AOPEP: variants seen among roughly 807,000 people sequenced by gnomAD.
AOPEP encodes the protein aminopeptidase O.
A neutral mutation model predicts 98.1 loss-of-function variants in AOPEP; 77 were observed. The observed-to-expected ratio is 0.78, with a 90% CI of 0.65 to 0.95. The LOEUF (loss-of-function observed/expected upper bound fraction) is 0.95. AOPEP is among the 40% of genes least tolerant of loss of function. The pLI, the probability that AOPEP is intolerant of heterozygous loss-of-function variation, is 0.00. For synonymous variants in AOPEP, 346 were observed against 365.3 expected (o/e 0.95, Z 0.60); for missense variants, 1,024 against 1,024.7 (o/e 1.00, Z 0.01).
At chr9:95,038,050 A>G (rs1587727750) in intron 13 of AOPEP, among the ~76,000 whole-genome samples, 1 of 152,334 alleles carries the variant, frequency 6.6e-6, no homozygotes, top group East Asian at 1.9e-4. Flanking sequence ...GCTCCATGCA[A>G]GCAAGTTCTC....
At chr9:95,019,366 T>A (rs2063279345) in intron 13 of AOPEP, 1 of 152,242 alleles carries the variant, frequency 6.6e-6, no homozygotes, top group Admixed American at 6.5e-5. Flanking sequence ...GAGATTTGTA[T>A]TCTATCAAAG....
rs1461624715 is a variant in AOPEP at position 94,967,617 on chromosome 9, T to G, written c.1873-141T>G. The G allele has an allele frequency of 6.2e-6, 4 of 650,400 alleles. No individual in the cohort carries two copies. The East Asian group carries it at 1.1e-4, about 18-fold the overall frequency. 40.3% of individuals were successfully genotyped at this position (650,400 alleles called of 1,614,324 possible). A position where few individuals can be genotyped will look rare whatever the true frequency, so the allele number is the denominator to read the frequency against. On this transcript the variant is annotated intron_variant, in intron 9 of 16. Transcript: ENST00000375315. ...CCCTGGGAAATTAATAAGTTGAGTC[T>G]ATAGTCTTTTAAGTCAGCATAGGTC... is the stretch of plus-strand genomic sequence containing the variant.
At chr9:94,947,256 C>G (rs1477606263) in intron 7 of AOPEP, among the ~76,000 whole-genome samples, 2 of 151,886 alleles carry the variant, frequency 1.3e-5, no homozygotes, top group Non-Finnish European at 2.9e-5. Flanking sequence ...GCTGGGATTA[C>G]AGGCGTGATC....
chr9:94,899,532 T>C (rs2050109888), intron 5 of AOPEP, among the ~76,000 whole-genome samples: 1 of 151,848 alleles, frequency 6.6e-6, no homozygotes, highest in African/African-American at 2.4e-5. Flanking sequence ...GGAGAATTAC[T>C]TGAGCCCAGG....
the AOPEP span, among the ~76,000 whole-genome samples, chr9:95,148,441 A>G: frequency 6.6e-6 from 1 of 152,226 alleles, no homozygotes; most frequent in African/African-American, 2.4e-5. Flanking sequence ...AATAATTAGC[A>G]AAGTGACTCA....
the AOPEP span, among the ~76,000 whole-genome samples, chr9:95,137,575 A>G: frequency 6.6e-6 from 1 of 152,136 alleles, no homozygotes; most frequent in Non-Finnish European, 1.5e-5. Flanking sequence ...GAAGAGAAGA[A>G]ATGATTTCTG....
At chr9:94,862,639 C>T (rs1176053691) in intron 5 of AOPEP, among the ~76,000 whole-genome samples, 1 of 152,224 alleles carries the variant, frequency 6.6e-6, no homozygotes, top group African/African-American at 2.4e-5. Context: ...AGGGCCAGCG[C>T]CTCCCTGGAA....
intron 5 of AOPEP, among the ~76,000 whole-genome samples, chr9:94,913,906 A>T (rs1421201121): frequency 6.6e-6 from 1 of 152,258 alleles, no homozygotes; most frequent in African/African-American, 2.4e-5. Flanking sequence ...TCACAAATAC[A>T]ATAAACCCAA....
chr9:95,069,616 C>T (rs2068272049), intron 14 of AOPEP, among the ~76,000 whole-genome samples: 1 of 152,202 alleles, frequency 6.6e-6, no homozygotes, highest in Admixed American at 6.5e-5. Flanking sequence ...AGAAGCATTC[C>T]AGGTTTTCAA....
At chr9:94,994,378 T>C (rs1589198391) in intron 11 of AOPEP, among the ~76,000 whole-genome samples, 2 of 152,276 alleles carry the variant, frequency 1.3e-5, no homozygotes, top group East Asian at 3.9e-4. Context: ...GAGTATCCTA[T>C]TTTACATTTA....
chr9:94,999,981 A>C (rs890934933), intron 11 of AOPEP, among the ~76,000 whole-genome samples: 9 of 152,210 alleles, frequency 5.9e-5, no homozygotes, highest in African/African-American at 2.2e-4. Context: ...ACTGAGAGAA[A>C]GAAGGTCTGT....
downstream of AOPEP, chr9:95,087,323 A>G (rs1241623225): frequency 6.6e-6 from 1 of 151,604 alleles, no homozygotes; most frequent in Non-Finnish European, 1.5e-5. Context: ...TCTCTACTAA[A>G]ATACAAAAAA....
intron 7 of AOPEP, chr9:94,931,723 A>C (rs1334700105): frequency 3.2e-6 from 5 of 1,549,220 alleles, no homozygotes; most frequent in Non-Finnish European, 4.4e-6. Context: ...AGGTTTCCAC[A>C]TGTTGGCGGA....
chr9:94,908,135 T>C (rs2051445366), intron 5 of AOPEP, among the ~76,000 whole-genome samples: 1 of 152,216 alleles, frequency 6.6e-6, no homozygotes, highest in South Asian at 2.1e-4. Flanking sequence ...TGTTTCCCTC[T>C]GGTTTTTTGA....
At chr9:95,119,216 G>A in the AOPEP span, among the ~76,000 whole-genome samples, 1 of 152,144 alleles carries the variant, frequency 6.6e-6, no homozygotes, top group East Asian at 1.9e-4. Flanking sequence ...ATATATTCAA[G>A]TCTTTTGTCC....
At chr9:94,840,730 A>G (rs1216120350) in intron 5 of AOPEP, among the ~76,000 whole-genome samples, 1 of 151,960 alleles carries the variant, frequency 6.6e-6, no homozygotes, top group East Asian at 1.9e-4. Flanking sequence ...TTGGAAGTTT[A>G]TAGTATTCAT....
the AOPEP span, among the ~76,000 whole-genome samples, chr9:95,104,430 T>C: frequency 6.6e-6 from 1 of 152,160 alleles, no homozygotes; most frequent in Admixed American, 6.5e-5. Flanking sequence ...GGGGATGTGA[T>C]GACAAAGCAC....
At chr9:95,131,914 C>G in the AOPEP span, among the ~76,000 whole-genome samples, 1 of 152,128 alleles carries the variant, frequency 6.6e-6, no homozygotes, top group African/African-American at 2.4e-5. Flanking sequence ...AAAAACACAA[C>G]CTATCCCATA....
intron 1 of AOPEP, among the ~76,000 whole-genome samples, chr9:94,756,511 G>A (rs763140753): frequency 6.6e-5 from 10 of 152,188 alleles, no homozygotes; most frequent in Non-Finnish European, 1.3e-4. Context: ...ATGTTTGAAT[G>A]TTCAGAATAG....
Sources: allele counts gnomAD v4.1 joint callset (sites outside exome capture counted in the v4.1 genomes callset), GRCh38; gene constraint gnomAD v4.1.1; transcripts MANE v1.5; gene names NCBI Gene and HGNC (gene_info 2026-07-23, HGNC 2026-07-21).